The following PRDM5 variants were observed in gnomAD, a reference collection of about 807,000 sequenced individuals.
The protein encoded by PRDM5 is PR domain zinc finger protein 5.
In PRDM5, 56 loss-of-function variants were observed where a neutral mutation model predicts 81.2. That is an observed-to-expected ratio of 0.69 (90% CI 0.56 to 0.86). The LOEUF (loss-of-function observed/expected upper bound fraction) is 0.86. Ranked by LOEUF, PRDM5 falls within the 40% of genes least tolerant of loss-of-function variation. The probability of loss-of-function intolerance (pLI) is 0.00; values close to 1 mark genes in which losing one functional copy is unlikely to be tolerated. For missense variants in PRDM5, 697 were observed against 770.1 expected (o/e 0.91, Z 1.12); for synonymous variants, 267 against 256.4 (o/e 1.04, Z -0.39).
At chr4:120,907,171 C>T (rs1380110849) in intron 2 of PRDM5, among the ~76,000 whole-genome samples, 4 of 151,774 alleles carry the variant, frequency 2.6e-5, no homozygotes, top group South Asian at 2.1e-4. Flanking sequence ...CCCGTCTCAA[C>T]TAAAAATACA....
At chr4:120,837,587 G>A (rs1157195567) in intron 3 of PRDM5, 4 of 152,060 alleles carry the variant, frequency 2.6e-5, no homozygotes, top group Non-Finnish European at 5.9e-5. Context: ...ACTTACAAAA[G>A]TTTAATATAA....
chr4:120,685,294 A>G (rs547001968), intron 1 of PRDM5, among the ~76,000 whole-genome samples: 1 of 152,116 alleles, frequency 6.6e-6, no homozygotes, highest in African/African-American at 2.4e-5. Flanking sequence ...AAGTTTTAAG[A>G]TAAGAGCTGG....
intron 1 of PRDM5, among the ~76,000 whole-genome samples, chr4:120,685,908 G>A (rs758256998): frequency 3.0e-4 from 45 of 152,058 alleles, no homozygotes; most frequent in Admixed American, 7.2e-4. Flanking sequence ...CTATGTTGGA[G>A]GTGGAGTCCT....
intron 3 of PRDM5, 145 bp downstream of exon 3, chr4:120,853,273 G>A (rs748358687): frequency 2.7e-5 from 34 of 1,249,700 alleles, no homozygotes; most frequent in Admixed American, 2.7e-4. Context: ...TACATATGCT[G>A]ACTAGATGAG....
chr4:120,818,232 CACA>C, intron 5 of PRDM5, 118 bp downstream of exon 5: 2 of 1,026,570 alleles, frequency 1.9e-6, no homozygotes, highest in South Asian at 1.4e-5. Context: ...CTCATTCACA[CACA>C]AAACATGCGC....
At chr4:120,899,517 T>C (rs1174941463) in intron 2 of PRDM5, among the ~76,000 whole-genome samples, 1 of 152,168 alleles carries the variant, frequency 6.6e-6, no homozygotes, top group African/African-American at 2.4e-5. Flanking sequence ...GCTAGGTACT[T>C]AGAAAATTAT....
At chr4:120,882,724 T>G (rs570773328) in intron 2 of PRDM5, among the ~76,000 whole-genome samples, 1 of 152,218 alleles carries the variant, frequency 6.6e-6, no homozygotes, top group Admixed American at 6.5e-5. Context: ...AATATTCAAA[T>G]GAACACATTA....
intron 8 of PRDM5, chr4:120,810,380 AG>A: frequency 6.6e-6 from 1 of 152,276 alleles, no homozygotes; most frequent in South Asian, 2.1e-4. Context: ...AGAAGCCATA[AG>A]GGTGAGGGGG....
chr4:120,821,104 CA>C, intron 4 of PRDM5, 66 bp downstream of exon 4: 1 of 1,534,022 alleles, frequency 6.5e-7, no homozygotes. Context: ...ATAATTCAAC[CA>C]CAGTTTAAAC....
chr4:120,759,007 A>G (rs1421495965), intron 13 of PRDM5, among the ~76,000 whole-genome samples: 1 of 151,994 alleles, frequency 6.6e-6, no homozygotes, highest in African/African-American at 2.4e-5. Context: ...CACCCACCTC[A>G]ACCACCCAAA....
At chr4:120,759,127 G>A (rs946603377) in intron 13 of PRDM5, among the ~76,000 whole-genome samples, 1 of 150,822 alleles carries the variant, frequency 6.6e-6, no homozygotes, top group Admixed American at 6.7e-5. Context: ...TGAGGTCTAC[G>A]TAAATCACTC....
chr4:120,850,797 A>T (rs1759172987), intron 3 of PRDM5, among the ~76,000 whole-genome samples: 1 of 152,144 alleles, frequency 6.6e-6, no homozygotes. Context: ...ATTTTCTTTC[A>T]AGGAAAAAAC....
intron 3 of PRDM5, among the ~76,000 whole-genome samples, chr4:120,842,280 T>C (rs553652382): frequency 1.3e-5 from 2 of 152,336 alleles, no homozygotes; most frequent in Non-Finnish European, 2.9e-5. Context: ...AGTAAAAATG[T>C]GACACTTTGC....
At chr4:120,774,940 A>ATG (rs1747914680) in intron 13 of PRDM5, among the ~76,000 whole-genome samples, 1 of 119,838 alleles carries the variant, frequency 8.3e-6, no homozygotes, top group African/African-American at 2.7e-5. Flanking sequence ...GTATATGTAT[A>ATG]TATGTGTGTG....
chr4:120,781,865 C>A (rs1256956881), intron 11 of PRDM5, among the ~76,000 whole-genome samples: 1 of 152,120 alleles, frequency 6.6e-6, no homozygotes, highest in Non-Finnish European at 1.5e-5. Context: ...CTGGAGGCTC[C>A]CTGATTCAGC....
intron 2 of PRDM5, among the ~76,000 whole-genome samples, chr4:120,892,155 G>A (rs112855464): frequency 9.2e-5 from 14 of 152,120 alleles, no homozygotes; most frequent in East Asian, 3.9e-4. Flanking sequence ...TACTTGCATC[G>A]CACTGTGGTC....
intron 3 of PRDM5, among the ~76,000 whole-genome samples, chr4:120,846,128 C>T (rs183156222): frequency 9.9e-5 from 15 of 152,268 alleles, no homozygotes; most frequent in African/African-American, 3.6e-4. Context: ...AGAATCTACT[C>T]CTGGTGAAGA....
chr4:120,764,825 G>T (rs933041210), intron 13 of PRDM5, among the ~76,000 whole-genome samples: 3 of 152,132 alleles, frequency 2.0e-5, no homozygotes, highest in Admixed American at 6.6e-5. Flanking sequence ...TAGATTATCT[G>T]CAGGTAAGAG....
chr4:120,812,400 A>G (rs1221478798), intron 7 of PRDM5, among the ~76,000 whole-genome samples: 1 of 152,020 alleles, frequency 6.6e-6, no homozygotes, highest in African/African-American at 2.4e-5. Context: ...AACAGTGTAC[A>G]AGCATTCCCC....
Sources: gnomAD v4.1 joint callset for allele counts (sites outside exome capture counted in the v4.1 genomes callset) on GRCh38, gnomAD v4.1.1 for gene constraint, MANE v1.5 for transcripts, NCBI Gene and HGNC (gene_info 2026-07-23, HGNC 2026-07-21) for gene names.